The following CDH12 variants were observed in gnomAD, a reference collection of about 807,000 sequenced individuals.
CDH12 encodes cadherin-12.
Under a neutral mutation model 74.1 loss-of-function variants are expected in CDH12, and 41 were observed. That is an observed-to-expected ratio of 0.55 (90% CI 0.43 to 0.72). The LOEUF (loss-of-function observed/expected upper bound fraction) is 0.72. Among genes scored for constraint, CDH12 ranks in the 30% least tolerant of loss-of-function variants. The pLI is 0.00. For missense variants in CDH12, 945 were observed against 977.2 expected, an observed-to-expected ratio of 0.97 and a Z score of 0.44; for synonymous variants, 399 against 355.0, an observed-to-expected ratio of 1.12 and a Z score of -1.39.
chr5:22,462,646 A>T (rs975630001), intron 2 of CDH12, among the ~76,000 whole-genome samples: 3 of 152,124 alleles, frequency 2.0e-5, no homozygotes, highest in Non-Finnish European at 4.4e-5. Flanking sequence ...TTGAAGTAGA[A>T]CAAATATAAT....
chr5:21,927,436 A>AAAAT (rs1424107144), intron 6 of CDH12, among the ~76,000 whole-genome samples: 1 of 151,006 alleles, frequency 6.6e-6, no homozygotes, highest in Non-Finnish European at 1.5e-5. Flanking sequence ...ATAAAAAAAA[A>AAAAT]AATTAGCTGA....
intron 5 of CDH12, among the ~76,000 whole-genome samples, chr5:21,980,390 T>C (rs555017897): frequency 6.6e-6 from 1 of 152,038 alleles, no homozygotes; most frequent in South Asian, 2.1e-4. Flanking sequence ...ATGAGAAGGG[T>C]AAAAAATAAA....
At chr5:22,440,135 T>C (rs1023503476) in intron 2 of CDH12, among the ~76,000 whole-genome samples, 7 of 152,014 alleles carry the variant, frequency 4.6e-5, no homozygotes, top group Non-Finnish European at 7.4e-5. Flanking sequence ...AACTAATCTA[T>C]TGAGAAGTGT....
intron 11 of CDH12, chr5:21,774,277 T>G (rs1404278471): frequency 6.6e-6 from 1 of 152,164 alleles, no homozygotes; most frequent in East Asian, 1.9e-4. Context: ...CCTGCCTTCA[T>G]CATTCCCTTG....
At chr5:21,836,560 T>C (rs1344690087) in intron 8 of CDH12, among the ~76,000 whole-genome samples, 2 of 151,658 alleles carry the variant, frequency 1.3e-5, no homozygotes, top group African/African-American at 4.8e-5. Context: ...CAGAGTACTT[T>C]ATTTTACTTA....
intron 1 of CDH12, among the ~76,000 whole-genome samples, chr5:22,573,632 T>C (rs1739642683): frequency 6.6e-6 from 1 of 152,196 alleles, no homozygotes; most frequent in South Asian, 2.1e-4. Flanking sequence ...ATTTTAGTGG[T>C]AAAATTATAT....
chr5:22,546,371 T>C (rs943435194), intron 1 of CDH12, among the ~76,000 whole-genome samples: 3 of 152,188 alleles, frequency 2.0e-5, no homozygotes, highest in African/African-American at 7.2e-5. Context: ...ATACCAGCAC[T>C]GAGTCTAGCG....
At chr5:21,934,441 A>C (rs1372031374) in intron 6 of CDH12, among the ~76,000 whole-genome samples, 1 of 152,230 alleles carries the variant, frequency 6.6e-6, no homozygotes, top group South Asian at 2.1e-4. Flanking sequence ...TAGCCATCTG[A>C]TGGACTACTC....
At chr5:22,118,227 T>A (rs552720411) in intron 4 of CDH12, among the ~76,000 whole-genome samples, 1 of 152,338 alleles carries the variant, frequency 6.6e-6, no homozygotes, top group African/African-American at 2.4e-5. Context: ...TTGCTATTCA[T>A]GTGGATGGGA....
chr5:21,891,961 T>C (rs1161616700), intron 6 of CDH12, among the ~76,000 whole-genome samples: 1 of 152,098 alleles, frequency 6.6e-6, no homozygotes, highest in African/African-American at 2.4e-5. Context: ...GGCTACCAAT[T>C]TGAGTTCTCC....
Position 21,751,883 on chromosome 5 carries a change from C to T in CDH12, c.2239G>A (p.Val747Met), listed in dbSNP as rs763180534. 5 of 1,614,006 alleles carry T rather than the reference C, an allele frequency of 3.1e-6. No individual in the cohort carries two copies. The highest frequency in any genetic ancestry group is 1.7e-5 in the Admixed American group (1 of 59,972). Residue 747 changes from valine (V) to methionine (M), a missense_variant, in exon 15 of 15, where the codon GTG becomes ATG. Transcript: ENST00000382254. ...ATYAYEGSGS[V>M]AESLSSIDSL... ...TCTATAGAGCTGAGGGACTCTGCCA[C>T]GGACCCACTCCCTTCGTAGGCATAT...
At chr5:21,829,595 T>G (rs2149964456) in intron 8 of CDH12, among the ~76,000 whole-genome samples, 1 of 152,300 alleles carries the variant, frequency 6.6e-6, no homozygotes, top group South Asian at 2.1e-4. Context: ...TTTAGAAGTC[T>G]CATTTCCTTG....
intron 1 of CDH12, among the ~76,000 whole-genome samples, chr5:22,614,482 G>C (rs1737585002): frequency 6.6e-6 from 1 of 152,222 alleles, no homozygotes; most frequent in African/African-American, 2.4e-5. Context: ...AGAAGTTGCA[G>C]GATTGCAATG....
chr5:22,108,875 A>G (rs2150258147), intron 4 of CDH12, among the ~76,000 whole-genome samples: 1 of 152,336 alleles, frequency 6.6e-6, no homozygotes, highest in South Asian at 2.1e-4. Context: ...AGCAACCCCC[A>G]TTAGAAAATG....
intron 1 of CDH12, among the ~76,000 whole-genome samples, chr5:22,737,592 TGA>T (rs1451988735): frequency 3.3e-5 from 5 of 151,960 alleles, no homozygotes; most frequent in Admixed American, 6.6e-5. Context: ...ATAATATAAA[TGA>T]GAGTGAGCTT....
At chr5:22,842,789 G>C (rs1223032335) in intron 1 of CDH12, among the ~76,000 whole-genome samples, 1 of 152,000 alleles carries the variant, frequency 6.6e-6, no homozygotes, top group Admixed American at 6.6e-5. Flanking sequence ...ATATTTTTGC[G>C]ATTAGTCATC....
intron 6 of CDH12, among the ~76,000 whole-genome samples, chr5:21,956,850 A>G (rs1756122351): frequency 6.6e-6 from 1 of 152,152 alleles, no homozygotes; most frequent in Non-Finnish European, 1.5e-5. Flanking sequence ...TCCCCCAAGT[A>G]ATTGAAAATT....
intron 3 of CDH12, among the ~76,000 whole-genome samples, chr5:22,376,533 T>G (rs1741531426): frequency 6.6e-6 from 1 of 152,076 alleles, no homozygotes; most frequent in South Asian, 2.1e-4. Flanking sequence ...CATTACACAT[T>G]CCATTGTAAT....
intron 6 of CDH12, among the ~76,000 whole-genome samples, chr5:21,953,202 C>T (rs967706755): frequency 6.6e-6 from 1 of 152,054 alleles, no homozygotes; most frequent in African/African-American, 2.4e-5. Context: ...TATCTGAACT[C>T]AGGCATTCCT....
Sources: allele counts gnomAD v4.1 joint callset (sites outside exome capture counted in the v4.1 genomes callset), GRCh38; gene constraint gnomAD v4.1.1; transcripts MANE v1.5; gene names NCBI Gene and HGNC (gene_info 2026-07-23, HGNC 2026-07-21).